Variants in MED16 observed in about 807,000 individuals in gnomAD.
The protein encoded by MED16 is mediator complex subunit 16, also known as mediator of RNA polymerase II transcription subunit 16.
MED16 carries 81 observed loss-of-function variants against 84.4 expected under a neutral mutation model. The ratio of observed to expected loss-of-function variants is 0.96; its 90% CI spans 0.80 to 1.15. MED16 has a LOEUF of 1.15. Ranked by LOEUF, MED16 falls within the 50% of genes most tolerant of loss-of-function variation. The probability of loss-of-function intolerance (pLI) is 0.00; values close to 1 mark genes in which losing one functional copy is unlikely to be tolerated. For missense variants in MED16, 1,585 were observed against 1,245.9 expected (o/e 1.27, Z -4.10); for synonymous variants, 897 against 552.2 (o/e 1.62, Z -8.76).
intron 8 of MED16, among the ~76,000 whole-genome samples, chr19:877,441 T>C (rs776043084): frequency 3.3e-5 from 5 of 152,118 alleles, no homozygotes; most frequent in Non-Finnish European, 7.4e-5. Flanking sequence ...TCGTCTGCTT[T>C]ACCTGAGGAG....
intron 8 of MED16, among the ~76,000 whole-genome samples, chr19:877,622 C>T (rs1328557590): frequency 3.2e-5 from 3 of 94,978 alleles, no homozygotes; most frequent in East Asian, 2.0e-4. Flanking sequence ...CCCCCGGGGG[C>T]GCCTCCCTCT....
intron 14 of MED16, 121 bp downstream of exon 14, chr19:868,738 ACTCC>A (rs1214475587): frequency 8.7e-7 from 1 of 1,154,688 alleles, no homozygotes; most frequent in Non-Finnish European, 1.2e-6. Flanking sequence ...TGGCTCCAAC[ACTCC>A]CTCTGGGACG....
chr19:871,313 G>A (rs1032884387), intron 12 of MED16, 60 bp from the exon 13 acceptor site: 37 of 1,462,074 alleles, frequency 2.5e-5, no homozygotes, highest in Admixed American at 2.5e-4. Flanking sequence ...CCGGCCACCC[G>A]GGACGTGCTG....
rs1279101119 is a variant in MED16 at position 893,119 on chromosome 19, C to A, written c.-52G>T. 1.3e-5 allele frequency: 2 copies of A among 152,312 alleles called. No homozygotes were observed. The highest frequency in any genetic ancestry group is 2.9e-5 in the Non-Finnish European group (2 of 68,084). 9.4% of individuals were successfully genotyped at this position (152,312 alleles called of 1,614,324 possible). The stretch of plus-strand genomic sequence containing the variant: ...CCCGTGCGCCAAGCTCAGCGGGCGT[C>A]CGCGGTGCGATCTTCCCTAGCGCCT... On this transcript the variant is annotated 5_prime_UTR_variant, in exon 1 of 16. Coordinates refer to ENST00000325464, the MANE Select transcript of MED16 (RefSeq NM_005481.3).
At chr19:870,917 G>T in intron 13 of MED16, 120 bp downstream of exon 13, 2 of 1,014,088 alleles carry the variant, frequency 2.0e-6, no homozygotes, top group Non-Finnish European at 2.8e-6. Flanking sequence ...GGAGCCGTGT[G>T]GATTCGGGGG....
intron 10 of MED16, among the ~76,000 whole-genome samples, chr19:875,035 G>A (rs374465962): frequency 1.4e-4 from 21 of 152,104 alleles, no homozygotes; most frequent in Middle Eastern, 3.4e-3. Context: ...GTGGTGGCAC[G>A]TGCCTGTAAT....
chr19:870,688 G>A (rs1048914032), intron 13 of MED16, among the ~76,000 whole-genome samples: 3 of 151,922 alleles, frequency 2.0e-5, no homozygotes, highest in African/African-American at 2.4e-5. Flanking sequence ...GAAGGAAGCA[G>A]CAGTCATGGC....
At chr19:872,662 G>A (rs1468358426) in intron 11 of MED16, among the ~76,000 whole-genome samples, 4 of 151,784 alleles carry the variant, frequency 2.6e-5, no homozygotes, top group African/African-American at 9.7e-5. Context: ...CGGGGGGGTG[G>A]GGGCGAGGTT....
intron 6 of MED16, among the ~76,000 whole-genome samples, chr19:882,550 C>T (rs2036441907): frequency 6.6e-6 from 1 of 152,174 alleles, no homozygotes; most frequent in Non-Finnish European, 1.5e-5. Flanking sequence ...AACAGTGGCC[C>T]AGAGAGCACG....
chr19:891,852 GTGA>G (rs2036642844), intron 1 of MED16, among the ~76,000 whole-genome samples: 1 of 125,688 alleles, frequency 8.0e-6, no homozygotes. Flanking sequence ...GGGGCTGAGT[GTGA>G]CGGGGAACAC....
At position 885,952 on chromosome 19, in the gene MED16, C is replaced by G; in HGVS notation, c.697G>C (p.Gly233Arg). The change falls in exon 5 of 16, where the codon GGC (glycine) becomes CGC (arginine). Residue 233 changes from glycine to arginine, a missense_variant. Transcript: ENST00000325464. ...AACTGCACGGGCGACGCGCTGCTGC[C>G]GTCCGCCGTGGCCACCACGATGTTG... The part of the protein sequence containing the change: ...GGNIVVATAD[G>R]SSASPVQFYK... 6.2e-7 allele frequency: 1 copy of G among 1,612,502 alleles called. No individual in the cohort carries two copies. Among genetic ancestry groups the G allele is most frequent in the Admixed American group, 1.7e-5 (1 of 60,010 alleles).
intron 6 of MED16, among the ~76,000 whole-genome samples, 196 bp downstream of exon 6, chr19:884,707 G>A (rs183947686): frequency 2.6e-5 from 4 of 152,286 alleles, no homozygotes; most frequent in Non-Finnish European, 5.9e-5. Context: ...GAGTCTATAC[G>A]CCTAACACAC....
chr19:877,302 G>T (rs2036272749), intron 8 of MED16, 122 bp from the exon 9 acceptor site: 1 of 852,908 alleles, frequency 1.2e-6, no homozygotes, highest in East Asian at 2.7e-5. Flanking sequence ...GCCCGTGTGT[G>T]GGCCTGTGTG....
At chr19:892,666 C>T (rs1454719146) in intron 1 of MED16, 1 of 58,266 alleles carries the variant, frequency 1.7e-5, no homozygotes, top group Admixed American at 1.3e-4. Flanking sequence ...TCTCCAGGCC[C>T]CGCACCGATA....
intron 8 of MED16, among the ~76,000 whole-genome samples, chr19:877,899 G>A (rs12979807): frequency 3.2e-3 from 289 of 90,324 alleles, no homozygotes; most frequent in Middle Eastern, 8.8e-3. Context: ...ATGCCCACCA[G>A]CCCCAGCCCC....
Position 871,213 on chromosome 19 carries a change from C to G in MED16, c.2139G>C (p.Leu713=), listed in dbSNP as rs1212545858. 3 of 1,548,884 alleles carry G rather than the reference C, an allele frequency of 1.9e-6. No individual in the cohort carries two copies. The African/African-American group carries it at 4.1e-5, about 21-fold the overall frequency. The change falls in exon 13 of 16, where the codon CTG becomes CTC. Residue 713 remains leucine, a synonymous_variant. Coordinates refer to ENST00000325464, the MANE Select transcript of MED16 (RefSeq NM_005481.3). The part of the protein sequence containing the change: ...EGPASEPDEA[L]VDECCLLPSQ... ...TGGGCAGCAGGCAGCATTCATCCAC[C>G]AGCGCCTCGTCCGGCTCGCTCGCTG... is the stretch of plus-strand genomic sequence containing the variant.
At position 890,590 on chromosome 19, in the gene MED16, G is replaced by A. The variant is rs185711626; in HGVS notation, c.170-346C>T. Among the ~76,000 whole-genome samples, 674 of 152,302 alleles carry A rather than the reference G, an allele frequency of 4.4e-3. 18 individuals are homozygous for A. Among genetic ancestry groups the A allele is most frequent in the Admixed American group, 0.025 (383 of 15,286 alleles). Reference sequence around the variant, plus strand: ...GTTTTCTCTAATGACCACGTATTATGAGTGCCTATTACTCAAACAATGGAG... The same window carrying A: ...GTTTTCTCTAATGACCACGTATTATAAGTGCCTATTACTCAAACAATGGAG... On this transcript the variant is annotated intron_variant, in intron 2 of 15. Transcript: ENST00000325464.
At chr19:870,727 C>T (rs891764951) in intron 13 of MED16, among the ~76,000 whole-genome samples, 2 of 150,662 alleles carry the variant, frequency 1.3e-5, no homozygotes, top group African/African-American at 4.9e-5. Flanking sequence ...AGGGAAGGAG[C>T]CGTATGGATT....
chr19:890,924 A>C (rs752815456), intron 2 of MED16, 39 bp downstream of exon 2: 6 of 1,600,244 alleles, frequency 3.7e-6, no homozygotes, highest in Non-Finnish European at 5.1e-6. Context: ...GCGGGACACC[A>C]TGCGGCCGGG....
Sources: allele counts gnomAD v4.1 joint callset (sites outside exome capture counted in the v4.1 genomes callset), GRCh38; gene constraint gnomAD v4.1.1; transcripts MANE v1.5; gene names NCBI Gene and HGNC (gene_info 2026-07-23, HGNC 2026-07-21).